Variants in CAST observed in about 807,000 individuals in gnomAD.
CAST encodes calpastatin.
In CAST, 76 loss-of-function variants were observed where a neutral mutation model predicts 119.6. The ratio of observed to expected loss-of-function variants is 0.64; its 90% CI spans 0.53 to 0.77. The LOEUF is 0.77. CAST is among the 30% of genes least tolerant of loss of function. CAST has a pLI of 0.00. For missense variants in CAST, 953 were observed against 946.5 expected (o/e 1.01, Z -0.09); for synonymous variants, 319 against 331.6 (o/e 0.96, Z 0.41).
At chr5:96,580,106 T>A (rs1746744714) in intron 1 of CAST, among the ~76,000 whole-genome samples, 2 of 152,342 alleles carry the variant, frequency 1.3e-5, no homozygotes, top group South Asian at 4.1e-4. Flanking sequence ...ATAAGGCTAG[T>A]CTTAAAATTA....
intron 1 of CAST, among the ~76,000 whole-genome samples, chr5:96,538,380 G>A (rs261979): frequency 0.34 from 51,931 of 151,988 alleles, 9,155 homozygotes; most frequent in Middle Eastern, 0.44. Flanking sequence ...AAAGAATTTT[G>A]CTTTTCTCAT....
the CAST span, among the ~76,000 whole-genome samples, chr5:96,396,561 C>CAAAA: frequency 2.3e-4 from 28 of 122,422 alleles, no homozygotes; most frequent in Admixed American, 2.4e-4. Context: ...GACTCCGTCT[C>CAAAA]AAAAAAAAAA....
At chr5:96,059,216 C>T in the CAST span, among the ~76,000 whole-genome samples, 1,076 of 152,098 alleles carry the variant, frequency 7.1e-3, 13 homozygotes, top group African/African-American at 0.024. Context: ...AACCAGGTTA[C>T]GGAAGTGTGA....
the CAST span, chr5:96,391,505 A>G: frequency 6.6e-6 from 1 of 152,250 alleles, no homozygotes; most frequent in African/African-American, 2.4e-5. Flanking sequence ...GTGAGATTAC[A>G]TAAGCAAACT....
At chr5:96,465,141 T>C in the CAST span, among the ~76,000 whole-genome samples, 1 of 152,040 alleles carries the variant, frequency 6.6e-6, no homozygotes, top group South Asian at 2.1e-4. Context: ...CAGATTTTTT[T>C]TCTAAGTATT....
the CAST span, among the ~76,000 whole-genome samples, chr5:96,504,524 CTTT>C: frequency 7.0e-3 from 1,029 of 146,706 alleles, 12 homozygotes; most frequent in African/African-American, 0.025. Flanking sequence ...GCTTAGAATA[CTTT>C]TTTTTTTTTT....
At chr5:96,338,965 A>G in the CAST span, among the ~76,000 whole-genome samples, 1 of 152,186 alleles carries the variant, frequency 6.6e-6, no homozygotes, top group Non-Finnish European at 1.5e-5. Flanking sequence ...GCATTGGCTC[A>G]TGGGCACTCT....
intron 4 of CAST, among the ~76,000 whole-genome samples, chr5:96,726,428 G>A (rs1288125407): frequency 1.3e-5 from 2 of 152,216 alleles, no homozygotes; most frequent in East Asian, 3.9e-4. Flanking sequence ...TATGTTGACA[G>A]AATTTCATAA....
chr5:96,300,834 A>ATTTTTTTTTTTTT, the CAST span, among the ~76,000 whole-genome samples: 1 of 52,462 alleles, frequency 1.9e-5, no homozygotes, highest in African/African-American at 8.1e-5. Flanking sequence ...ATTCCTAAGC[A>ATTTTTTTTTTTTT]TTTTTTTTTT....
the CAST span, among the ~76,000 whole-genome samples, chr5:96,264,167 TCTG>T: frequency 6.6e-6 from 1 of 152,246 alleles, no homozygotes; most frequent in African/African-American, 2.4e-5. Flanking sequence ...GTCAATGTCT[TCTG>T]AGCCTTTATG....
At chr5:96,400,288 C>A in the CAST span, 4 of 793,794 alleles carry the variant, frequency 5.0e-6, no homozygotes, top group Non-Finnish European at 9.0e-6. Flanking sequence ...TTATGAAGTG[C>A]CTTTTGCTAT....
chr5:96,500,253 T>C, the CAST span, among the ~76,000 whole-genome samples: 13 of 152,352 alleles, frequency 8.5e-5, no homozygotes, highest in African/African-American at 3.1e-4. Context: ...ACTTGTTCAA[T>C]GCAGGGTTGC....
chr5:96,157,481 C>T, the CAST span, among the ~76,000 whole-genome samples: 1 of 152,220 alleles, frequency 6.6e-6, no homozygotes. Context: ...AGTATACTCA[C>T]TGGCACTAAA....
the CAST span, among the ~76,000 whole-genome samples, chr5:96,452,976 A>AAAAAAG: frequency 1.8e-4 from 26 of 142,386 alleles, no homozygotes; most frequent in African/African-American, 7.0e-4. Context: ...AAAAAAAAAA[A>AAAAAAG]CAGAAGAAAG....
At chr5:96,076,906 TG>T in the CAST span, among the ~76,000 whole-genome samples, 1 of 151,622 alleles carries the variant, frequency 6.6e-6, no homozygotes, top group Non-Finnish European at 1.5e-5. Flanking sequence ...CTTCCCAATA[TG>T]ATATATATTT....
At chr5:96,429,195 CA>C in the CAST span, 1 of 1,235,450 alleles carries the variant, frequency 8.1e-7, no homozygotes, top group East Asian at 2.3e-5. Context: ...GGTTTGAAGA[CA>C]AATGTACAAC....
chr5:96,689,669 A>G (rs538115145), intron 2 of CAST, among the ~76,000 whole-genome samples: 1 of 152,288 alleles, frequency 6.6e-6, no homozygotes, highest in Non-Finnish European at 1.5e-5. Flanking sequence ...TAACCCATCT[A>G]AGGCCACACA....
chr5:96,711,651 C>G (rs572907292), intron 3 of CAST, among the ~76,000 whole-genome samples: 129 of 152,264 alleles, frequency 8.5e-4, no homozygotes, highest in South Asian at 1.7e-3. Flanking sequence ...TAGCAAGATT[C>G]TATTTGATTC....
rs369106905 is a variant in CAST at position 96,679,574 on chromosome 5, G to A, written c.138+3973G>A. The A allele has an allele frequency of 3.3e-5, 5 of 151,980 alleles. No individual in the cohort carries two copies. In the East Asian group the frequency reaches 7.7e-4, roughly 23 times the overall value. 9.4% of individuals were successfully genotyped at this position (151,980 alleles called of 1,614,324 possible). ...GGGAATGGAATTTAAAGTATAAAAC[G>A]GGCATGATCTCAGAGAGCCAATTTT... On this transcript the variant is annotated intron_variant, in intron 2 of 31. Transcript: ENST00000675179.
Sources: gnomAD v4.1 joint callset for allele counts (sites outside exome capture counted in the v4.1 genomes callset) on GRCh38, gnomAD v4.1.1 for gene constraint, MANE v1.5 for transcripts, NCBI Gene and HGNC (gene_info 2026-07-23, HGNC 2026-07-21) for gene names.